The following EPHX4 variants were observed in gnomAD, a reference collection of about 807,000 sequenced individuals.
The protein encoded by EPHX4 is abhydrolase domain containing 7.
EPHX4 carries 31 observed loss-of-function variants against 44.9 expected under a neutral mutation model. The observed-to-expected ratio is 0.69, with a 90% CI of 0.52 to 0.93. The LOEUF (loss-of-function observed/expected upper bound fraction) is 0.93. Ranked by LOEUF, EPHX4 falls within the 40% of genes least tolerant of loss-of-function variation. EPHX4 has a pLI of 0.00. For synonymous variants in EPHX4, 151 were observed against 159.7 expected (o/e 0.95, Z 0.41); for missense variants, 373 against 438.1 (o/e 0.85, Z 1.33).
At chr1:92,052,789 G>A (rs1647290660) in intron 6 of EPHX4, 131 bp downstream of exon 6, 1 of 787,804 alleles carries the variant, frequency 1.3e-6, no homozygotes. Flanking sequence ...TTTTTAGTAA[G>A]TTGCATAATC....
chr1:92,059,159 G>A (rs1173235397), intron 6 of EPHX4, among the ~76,000 whole-genome samples: 1 of 152,236 alleles, frequency 6.6e-6, no homozygotes, highest in Admixed American at 6.5e-5. Context: ...TCGAGGGCCA[G>A]GTGCAGTGGC....
chr1:92,057,699 A>G (rs1367504034), intron 6 of EPHX4, among the ~76,000 whole-genome samples: 2 of 151,926 alleles, frequency 1.3e-5, no homozygotes. Flanking sequence ...TCCCAGGTTC[A>G]AGTGATTCTG....
intron 4 of EPHX4, 69 bp downstream of exon 4, chr1:92,045,729 A>G: frequency 3.8e-6 from 6 of 1,578,180 alleles, no homozygotes; most frequent in Non-Finnish European, 5.2e-6. Flanking sequence ...GACCTTTTGG[A>G]TTAGAAACAG....
chr1:92,031,939 C>T (rs948341310), intron 1 of EPHX4, among the ~76,000 whole-genome samples: 4 of 151,982 alleles, frequency 2.6e-5, no homozygotes, highest in African/African-American at 9.7e-5. Flanking sequence ...ATGCAACACT[C>T]AAAATAATAA....
intron 2 of EPHX4, among the ~76,000 whole-genome samples, chr1:92,037,764 T>G (rs1688461448): frequency 6.6e-6 from 1 of 152,308 alleles, no homozygotes; most frequent in Admixed American, 6.5e-5. Flanking sequence ...CGAAAGAGAT[T>G]GGTTATTTTT....
At chr1:92,035,775 C>G (rs926037899) in intron 2 of EPHX4, among the ~76,000 whole-genome samples, 15 of 152,120 alleles carry the variant, frequency 9.9e-5, no homozygotes, top group Non-Finnish European at 1.6e-4. Flanking sequence ...CTCCCCACCC[C>G]CAACAGGCTC....
intron 6 of EPHX4, among the ~76,000 whole-genome samples, chr1:92,054,372 T>A (rs1177493888): frequency 6.6e-6 from 1 of 152,132 alleles, no homozygotes; most frequent in Admixed American, 6.6e-5. Context: ...ACAGATCACC[T>A]GAGGTCAGGA....
chr1:92,051,957 G>T (rs1647268569), intron 5 of EPHX4, among the ~76,000 whole-genome samples: 1 of 152,094 alleles, frequency 6.6e-6, no homozygotes, highest in Non-Finnish European at 1.5e-5. Context: ...AGAATGGCAG[G>T]ATATATGCTC....
At position 92,062,973 on chromosome 1, in the gene EPHX4, G is replaced by A. The variant is rs534065717; in HGVS notation, c.858-82G>A. The A allele has an allele frequency of 2.7e-5, 33 of 1,215,976 alleles. No homozygotes were observed. In the African/African-American group the frequency reaches 4.5e-4, roughly 17 times the overall value. The allele number at this position is 1,215,976 out of a possible 1,614,324, so 75.3% of individuals were successfully genotyped here. A position where few individuals can be genotyped will look rare whatever the true frequency, so the allele number is the denominator to read the frequency against. On this transcript the variant is annotated intron_variant, in intron 6 of 6. Coordinates refer to ENST00000370383, the MANE Select transcript of EPHX4 (RefSeq NM_173567.5). ...AGGCAAGATTGCTCACTTCAAGAAT[G>A]TATGACCTACTGGGGCACTATAGGA...
At position 92,058,527 on chromosome 1, in the gene EPHX4, G is replaced by A. The variant is rs960316372; in HGVS notation, c.858-4528G>A. Among the ~76,000 whole-genome samples, 17 of 151,896 alleles carry A rather than the reference G, an allele frequency of 1.1e-4. No individual in the cohort carries two copies. The South Asian group carries it at 1.2e-3, about 11-fold the overall frequency. On this transcript the variant is annotated intron_variant, in intron 6 of 6. Transcript: ENST00000370383. Reference sequence around the variant, plus strand: ...ATGAACAGCTAAATAAAGAAAAAGCGTTTAATAAAATTTAACGCACATTCA... The same window carrying A: ...ATGAACAGCTAAATAAAGAAAAAGCATTTAATAAAATTTAACGCACATTCA...
chr1:92,030,215 G>C lies in EPHX4; in HGVS notation c.136G>C (p.Gly46Arg), dbSNP rs778846282. 4 of 1,606,354 alleles carry C rather than the reference G, an allele frequency of 2.5e-6. No homozygotes were observed. In the Admixed American group the frequency reaches 5.1e-5, roughly 20 times the overall value. Reference sequence around the variant, plus strand: ...CAAACTTTTGTGGAGCCTCGGCAAGGGGCCGGCGCAGACCTTCCGGCGGCC... The same window carrying C: ...CAAACTTTTGTGGAGCCTCGGCAAGCGGCCGGCGCAGACCTTCCGGCGGCC... ...LLKLLWSLGK[G>R]PAQTFRRPAR... The change falls in exon 1 of 7, where the codon GGG becomes CGG. Residue 46 changes from glycine to arginine, a missense_variant. Physicochemically the swap from Gly to Arg is moderately radical, Grantham distance 125 (BLOSUM62 -2). Coordinates refer to ENST00000370383, the MANE Select transcript of EPHX4 (RefSeq NM_173567.5).
intron 2 of EPHX4, among the ~76,000 whole-genome samples, chr1:92,040,985 C>CTT (rs34067987): frequency 6.6e-6 from 1 of 151,634 alleles, no homozygotes; most frequent in African/African-American, 2.4e-5. Context: ...CATGCAGATG[C>CTT]TTTTTTTTAA....
chr1:92,062,871 A>G (rs190034173), intron 6 of EPHX4, among the ~76,000 whole-genome samples, 184 bp from the exon 7 acceptor site: 5 of 152,004 alleles, frequency 3.3e-5, no homozygotes, highest in Non-Finnish European at 7.4e-5. Context: ...TATGTACTGT[A>G]TGTATATCCA....
intron 2 of EPHX4, among the ~76,000 whole-genome samples, chr1:92,036,094 C>T (rs1376052717): frequency 6.6e-6 from 1 of 152,136 alleles, no homozygotes; most frequent in African/African-American, 2.4e-5. Flanking sequence ...AATCATCATC[C>T]TAAATAAAAT....
intron 3 of EPHX4, among the ~76,000 whole-genome samples, chr1:92,044,022 G>A (rs994684782): frequency 6.6e-6 from 1 of 152,224 alleles, no homozygotes; most frequent in Non-Finnish European, 1.5e-5. Flanking sequence ...TGACAGCAGG[G>A]AGAAGGGGAA....
intron 2 of EPHX4, among the ~76,000 whole-genome samples, chr1:92,041,056 T>C (rs1570690408): frequency 6.6e-6 from 1 of 152,184 alleles, no homozygotes; most frequent in East Asian, 1.9e-4. Flanking sequence ...CTTTTTTTTC[T>C]GTTGGTTATC....
At chr1:92,046,054 G>A (rs1688577065) in intron 4 of EPHX4, among the ~76,000 whole-genome samples, 1 of 151,894 alleles carries the variant, frequency 6.6e-6, no homozygotes, top group Admixed American at 6.6e-5. Flanking sequence ...TTTTGGTCTT[G>A]GGCTTCTATA....
Position 92,030,044 on chromosome 1 carries a change from C to G in EPHX4, c.-36C>G. The stretch of plus-strand genomic sequence containing the variant: ...CGCTGCGGCGCTCGCTCACCCGCTC[C>G]CGAGGAAGGGCAGTGGGCCCCGCCG... On this transcript the variant is annotated 5_prime_UTR_variant, in exon 1 of 7. Transcript: ENST00000370383. 6.1e-6 allele frequency: 9 copies of G among 1,480,022 alleles called. No individual in the cohort carries two copies. Among genetic ancestry groups the G allele is most frequent in the Non-Finnish European group, 8.1e-6 (9 of 1,112,446 alleles). 91.7% of individuals were successfully genotyped at this position (1,480,022 alleles called of 1,614,324 possible). A position where few individuals can be genotyped will look rare whatever the true frequency, so the allele number is the denominator to read the frequency against.
chr1:92,046,620 T>C (rs1688585724), intron 4 of EPHX4, among the ~76,000 whole-genome samples: 2 of 152,068 alleles, frequency 1.3e-5, no homozygotes, highest in South Asian at 2.1e-4. Context: ...CCCGCCACCA[T>C]GCTTGGCTAA....
Sources: gnomAD v4.1 joint callset for allele counts (sites outside exome capture counted in the v4.1 genomes callset) on GRCh38, gnomAD v4.1.1 for gene constraint, MANE v1.5 for transcripts, NCBI Gene and HGNC (gene_info 2026-07-23, HGNC 2026-07-21) for gene names.